Variants in HEPHL1 observed in about 807,000 individuals in gnomAD.
The protein encoded by HEPHL1 is ferroxidase HEPHL1.
A neutral mutation model predicts 122.0 loss-of-function variants in HEPHL1; 123 were observed. The ratio of observed to expected loss-of-function variants is 1.01; its 90% CI spans 0.87 to 1.17. The LOEUF (loss-of-function observed/expected upper bound fraction) is 1.17. HEPHL1 is among the 50% of genes most tolerant of loss of function. The pLI, the probability that HEPHL1 is intolerant of heterozygous loss-of-function variation, is 0.00. For missense variants in HEPHL1, 1,452 were observed against 1,430.5 expected (o/e 1.01, Z -0.24); for synonymous variants, 527 against 508.9 (o/e 1.04, Z -0.48).
intron 2 of HEPHL1, among the ~76,000 whole-genome samples, chr11:94,053,845 G>T (rs1781165816): frequency 6.6e-6 from 1 of 152,168 alleles, no homozygotes; most frequent in African/African-American, 2.4e-5. Context: ...CCTTTTCAAT[G>T]TATTGAAACT....
At chr11:94,076,187 A>G (rs1229800233) in intron 9 of HEPHL1, among the ~76,000 whole-genome samples, 2 of 152,178 alleles carry the variant, frequency 1.3e-5, no homozygotes, top group African/African-American at 2.4e-5. Context: ...ACATGAAGGA[A>G]CAATCCCGGA....
At chr11:94,108,641 A>G (rs187683824) in intron 17 of HEPHL1, among the ~76,000 whole-genome samples, 1 of 152,030 alleles carries the variant, frequency 6.6e-6, no homozygotes, top group Admixed American at 6.5e-5. Flanking sequence ...ATCACCACTC[A>G]TTGAAAAGAT....
chr11:94,083,042 C>T (rs1036429371), intron 10 of HEPHL1, among the ~76,000 whole-genome samples: 4 of 150,230 alleles, frequency 2.7e-5, no homozygotes, highest in Admixed American at 6.7e-5. Flanking sequence ...GAGCCAAGTT[C>T]GTGCCACTGC....
intron 13 of HEPHL1, among the ~76,000 whole-genome samples, chr11:94,093,991 T>TAAA (rs1565360504): frequency 4.6e-5 from 4 of 86,608 alleles, no homozygotes; most frequent in African/African-American, 2.4e-4. Flanking sequence ...TATATATATA[T>TAAA]ATATATATAT....
At chr11:94,044,896 A>T (rs759625756) in intron 1 of HEPHL1, among the ~76,000 whole-genome samples, 24 of 151,122 alleles carry the variant, frequency 1.6e-4, no homozygotes, top group Non-Finnish European at 3.1e-4. Flanking sequence ...CCAAAGTGGG[A>T]TTACAGGCAT....
At chr11:94,093,699 T>C in intron 13 of HEPHL1, 59 bp downstream of exon 13, 1 of 1,535,688 alleles carries the variant, frequency 6.5e-7, no homozygotes, top group Non-Finnish European at 8.8e-7. Context: ...GCACACATAC[T>C]CATGTGTTCT....
chr11:94,110,981 C>T lies in HEPHL1; in HGVS notation c.3124C>T (p.Pro1042Ser), dbSNP rs1351470850. The T allele has an allele frequency of 1.2e-6, 2 of 1,612,154 alleles. No homozygotes were observed. The highest frequency in any genetic ancestry group is 1.7e-6 in the Non-Finnish European group (2 of 1,179,160). ...FQTIELFADHPGTWLLHCHVS... is the reference protein window; with the variant it reads ...FQTIELFADHSGTWLLHCHVS... ...AACCATTGAACTGTTTGCAGATCAC[C>T]CAGGGACATGGCTGCTACACTGTCA... is the stretch of plus-strand genomic sequence containing the variant. The change falls in exon 18 of 20, where the codon CCA (proline) becomes TCA (serine). Residue 1042 changes from proline (P) to serine (S), a missense_variant. Coordinates refer to ENST00000315765, the MANE Select transcript of HEPHL1 (RefSeq NM_001098672.2).
intron 13 of HEPHL1, among the ~76,000 whole-genome samples, chr11:94,094,525 A>G (rs1024291824): frequency 2.0e-5 from 3 of 152,204 alleles, no homozygotes; most frequent in South Asian, 4.1e-4. Flanking sequence ...GTAATGGGAT[A>G]GCTGGGTCAA....
chr11:94,070,603 T>C, intron 6 of HEPHL1, 61 bp downstream of exon 6: 1 of 1,387,702 alleles, frequency 7.2e-7, no homozygotes, highest in South Asian at 1.3e-5. Flanking sequence ...TTAGGCTTTC[T>C]CTGTGATCTA....
chr11:94,055,111 GCAGCTTC>G, intron 2 of HEPHL1: 1 of 191,780 alleles, frequency 5.2e-6, no homozygotes, highest in Non-Finnish European at 1.1e-5. Flanking sequence ...AATATCATCT[GCAGCTTC>G]CAGCTTGTGT....
intron 1 of HEPHL1, among the ~76,000 whole-genome samples, chr11:94,023,002 C>T (rs1289664996): frequency 1.3e-5 from 2 of 152,190 alleles, no homozygotes; most frequent in Admixed American, 6.5e-5. Flanking sequence ...AAAATGCCCA[C>T]GTCACTATAG....
chr11:94,066,201 A>C (rs1207269721), intron 4 of HEPHL1, among the ~76,000 whole-genome samples: 4 of 152,186 alleles, frequency 2.6e-5, no homozygotes, highest in African/African-American at 9.6e-5. Context: ...CTCAAAAAAC[A>C]AAAACAAAAA....
chr11:94,052,519 C>T (rs760818490), intron 2 of HEPHL1, among the ~76,000 whole-genome samples: 14 of 151,926 alleles, frequency 9.2e-5, no homozygotes, highest in Admixed American at 3.9e-4. Context: ...TTGGTGGAGC[C>T]GTTAGGTTTT....
intron 10 of HEPHL1, among the ~76,000 whole-genome samples, chr11:94,083,657 A>G (rs972359669): frequency 4.6e-5 from 7 of 152,240 alleles, no homozygotes; most frequent in African/African-American, 1.7e-4. Context: ...AGTAAAAAAT[A>G]GTCCAAGGTT....
At chr11:94,098,173 T>G (rs1027449253) in intron 13 of HEPHL1, among the ~76,000 whole-genome samples, 4 of 152,224 alleles carry the variant, frequency 2.6e-5, no homozygotes, top group Admixed American at 2.0e-4. Flanking sequence ...CTTTCCATGT[T>G]TAGTGCTTCC....
chr11:94,101,142 A>G, intron 13 of HEPHL1, 53 bp from the exon 14 acceptor site: 2 of 1,581,174 alleles, frequency 1.3e-6, no homozygotes, highest in Non-Finnish European at 1.7e-6. Context: ...TTTAAATTAC[A>G]CTAATGTTGA....
In HEPHL1 at chr11:94,110,919, G is replaced by C; in HGVS notation, c.3062G>C (p.Arg1021Pro). 1 of 1,612,116 alleles carries C rather than the reference G, an allele frequency of 6.2e-7. No individual in the cohort carries two copies. The highest frequency in any genetic ancestry group is 8.5e-7 in the Non-Finnish European group (1 of 1,179,102). Residue 1021 changes from arginine (R) to proline (P), a missense_variant, in exon 18 of 20, where the codon CGA (arginine) becomes CCA (proline). Transcript: ENST00000315765. ...SFLFKIDKSY[R>P]EDVYDLFPGT... ...TTTTTGCAGATAGATAAATCTTACC[G>C]AGAAGATGTGTATGATCTCTTTCCT...
intron 15 of HEPHL1, among the ~76,000 whole-genome samples, chr11:94,104,036 A>G (rs1242845579): frequency 1.3e-5 from 2 of 152,250 alleles, no homozygotes; most frequent in African/African-American, 2.4e-5. Context: ...TAACTGTAAT[A>G]GAGCTCTGAA....
In HEPHL1 at chr11:94,054,203, G is replaced by A. The variant is rs115044262; in HGVS notation, c.415+8286G>A. Among the ~76,000 whole-genome samples, 1,139 of 152,304 alleles carry A rather than the reference G, an allele frequency of 7.5e-3. 16 individuals carry two copies. Among genetic ancestry groups the A allele is most frequent in the African/African-American group, 0.026 (1,101 of 41,580 alleles). On this transcript the variant is annotated intron_variant, in intron 2 of 19. Transcript: ENST00000315765. The stretch of plus-strand genomic sequence containing the variant: ...AGCAGTCTCTGAACAAGGAAGCCAG[G>A]AACACAGGATGTACACATCTTTGGC...
Sources: gnomAD v4.1 joint callset for allele counts (sites outside exome capture counted in the v4.1 genomes callset) on GRCh38, gnomAD v4.1.1 for gene constraint, MANE v1.5 for transcripts, NCBI Gene and HGNC (gene_info 2026-07-23, HGNC 2026-07-21) for gene names.